SCD5: variants seen among roughly 807,000 people sequenced by gnomAD.
The protein encoded by SCD5 is acyl-CoA-desaturase 4.
In SCD5, 20 loss-of-function variants were observed where a neutral mutation model predicts 30.4. The ratio of observed to expected loss-of-function variants is 0.66; its 90% CI spans 0.46 to 0.96. SCD5 has a LOEUF of 0.96. Among genes scored for constraint, SCD5 ranks in the 40% least tolerant of loss-of-function variants. The pLI is 0.00. For synonymous variants in SCD5, 173 were observed against 176.4 expected (o/e 0.98, Z 0.16); for missense variants, 381 against 443.3 (o/e 0.86, Z 1.26).
intron 3 of SCD5, among the ~76,000 whole-genome samples, chr4:82,668,133 T>C (rs1009426359): frequency 1.3e-5 from 2 of 152,128 alleles, no homozygotes; most frequent in Non-Finnish European, 1.5e-5. Flanking sequence ...AAGAACATCA[T>C]GGCATTAAGA....
intron 3 of SCD5, among the ~76,000 whole-genome samples, chr4:82,655,092 C>T (rs1012236839): frequency 7.2e-5 from 11 of 152,126 alleles, no homozygotes; most frequent in African/African-American, 2.7e-4. Context: ...TTGTGAATCC[C>T]CTTTGGTTCT....
chr4:82,684,431 C>A (rs1014218430), intron 2 of SCD5, among the ~76,000 whole-genome samples: 1 of 152,094 alleles, frequency 6.6e-6, no homozygotes, highest in Non-Finnish European at 1.5e-5. Context: ...AACAATAGAG[C>A]AGAAAGGGAG....
intron 2 of SCD5, among the ~76,000 whole-genome samples, chr4:82,702,130 C>CTTTTTTTTTTTTTTTTTTTTTTTT (rs10701664): frequency 1.6e-5 from 1 of 64,072 alleles, no homozygotes; most frequent in Non-Finnish European, 2.8e-5. Context: ...CCATCATCAT[C>CTTTTTTTTTTTTTTTTTTTTTTTT]TTTTTTTTTT....
chr4:82,696,470 C>T (rs771032779), intron 2 of SCD5, among the ~76,000 whole-genome samples: 1 of 152,206 alleles, frequency 6.6e-6, no homozygotes, highest in Non-Finnish European at 1.5e-5. Flanking sequence ...CTCACTGTGT[C>T]TGTTAGATCT....
chr4:82,645,914 G>T (rs1727625623), intron 3 of SCD5, among the ~76,000 whole-genome samples: 1 of 152,182 alleles, frequency 6.6e-6, no homozygotes, highest in South Asian at 2.1e-4. Context: ...GGATGAAAAA[G>T]AAATCACCGT....
At chr4:82,788,324 T>C (rs1316644733) in intron 1 of SCD5, among the ~76,000 whole-genome samples, 5 of 152,168 alleles carry the variant, frequency 3.3e-5, no homozygotes, top group Admixed American at 3.3e-4. Flanking sequence ...GAGCCACCCA[T>C]AGTAATCCAT....
chr4:82,636,067 C>G (rs918399378), intron 4 of SCD5, among the ~76,000 whole-genome samples: 1 of 152,172 alleles, frequency 6.6e-6, no homozygotes, highest in African/African-American at 2.4e-5. Flanking sequence ...ACGTGCCAGG[C>G]ACTGTACTAA....
chr4:82,712,296 ATT>A (rs1341269139), intron 1 of SCD5, among the ~76,000 whole-genome samples: 3 of 27,492 alleles, frequency 1.1e-4, no homozygotes, highest in Admixed American at 4.8e-4. Context: ...ATATATATAT[ATT>A]TTATTTTTAT....
At chr4:82,663,738 G>C (rs1728076407) in intron 3 of SCD5, among the ~76,000 whole-genome samples, 1 of 152,180 alleles carries the variant, frequency 6.6e-6, no homozygotes, top group African/African-American at 2.4e-5. Context: ...ATTGCTCTGG[G>C]AGAGCAACTG....
chr4:82,766,190 C>T (rs2148847205), intron 1 of SCD5, among the ~76,000 whole-genome samples: 1 of 152,244 alleles, frequency 6.6e-6, no homozygotes, highest in South Asian at 2.1e-4. Flanking sequence ...TTTTTCCTTT[C>T]CCACCACCAT....
intron 3 of SCD5, among the ~76,000 whole-genome samples, chr4:82,664,821 A>C (rs1171351259): frequency 2.0e-5 from 3 of 151,778 alleles, no homozygotes; most frequent in Non-Finnish European, 4.4e-5. Flanking sequence ...TTTAAAATAA[A>C]ATGTAATTAG....
intron 1 of SCD5, among the ~76,000 whole-genome samples, chr4:82,758,577 A>T (rs1302612212): frequency 6.6e-6 from 1 of 152,204 alleles, no homozygotes; most frequent in South Asian, 2.1e-4. Context: ...ACTTAAACAT[A>T]TGAATTTGAG....
intron 1 of SCD5, among the ~76,000 whole-genome samples, chr4:82,735,954 T>C (rs1446853133): frequency 6.6e-6 from 1 of 152,204 alleles, no homozygotes; most frequent in Non-Finnish European, 1.5e-5. Context: ...TTACTGTATT[T>C]TATATCAGCC....
chr4:82,647,341 A>G (rs1727653088), intron 3 of SCD5, among the ~76,000 whole-genome samples: 1 of 13,996 alleles, frequency 7.1e-5, no homozygotes, highest in Admixed American at 9.0e-4. Context: ...TTTAACTCCA[A>G]AACTCTTTAA....
rs114451183 is a variant in SCD5 at position 82,754,867 on chromosome 4, G to A, written c.232+43439C>T. Among the ~76,000 whole-genome samples the A allele has an allele frequency of 7.9e-3, 1,196 of 152,212 alleles. 13 individuals are homozygous for A. Among genetic ancestry groups the A allele is most frequent in the African/African-American group, 0.025 (1,040 of 41,528 alleles). Reference sequence around the variant, plus strand: ...TATATCGGCAGAAGTGACAAGCCTCGAAGGCCAGGGCACAGAGCTGAGCCT... The same window carrying A: ...TATATCGGCAGAAGTGACAAGCCTCAAAGGCCAGGGCACAGAGCTGAGCCT... On this transcript the variant is annotated intron_variant, in intron 1 of 4. Coordinates refer to ENST00000319540, the MANE Select transcript of SCD5 (RefSeq NM_001037582.3).
intron 1 of SCD5, among the ~76,000 whole-genome samples, chr4:82,794,785 G>A (rs1018021850): frequency 1.3e-5 from 2 of 152,036 alleles, no homozygotes; most frequent in Admixed American, 1.3e-4. Flanking sequence ...GAGTAGCTGG[G>A]ACTACAGGTG....
At chr4:82,737,953 A>T in intron 1 of SCD5, among the ~76,000 whole-genome samples, 1 of 83,348 alleles carries the variant, frequency 1.2e-5, no homozygotes, top group African/African-American at 3.5e-5. Context: ...CAATCTAATT[A>T]GCTAAAAAAA....
chr4:82,759,242 G>C (rs1261197115), intron 1 of SCD5, among the ~76,000 whole-genome samples: 1 of 152,232 alleles, frequency 6.6e-6, no homozygotes, highest in East Asian at 1.9e-4. Context: ...CACAGTGGCA[G>C]CTGGCGGGAT....
In SCD5 at chr4:82,798,566, C is replaced by CGGTA. The variant is rs1355471035; in HGVS notation, c.-30_-29insTACC. The CGGTA allele has an allele frequency of 4.6e-6, 7 of 1,537,266 alleles. No individual in the cohort carries two copies. Among genetic ancestry groups the CGGTA allele is most frequent in the Non-Finnish European group, 4.4e-6 (5 of 1,142,136 alleles). The stretch of plus-strand genomic sequence containing the variant: ...TGGGCGAGGTGGGCGCCCGCAGCAG[C>CGGTA]GGCAGGCAGGCAGGCGCTCTGCCCG... On this transcript the variant is annotated 5_prime_UTR_variant, in exon 1 of 5. Coordinates refer to ENST00000319540, the MANE Select transcript of SCD5 (RefSeq NM_001037582.3).
Sources: gnomAD v4.1 joint callset for allele counts (sites outside exome capture counted in the v4.1 genomes callset) on GRCh38, gnomAD v4.1.1 for gene constraint, MANE v1.5 for transcripts, NCBI Gene and HGNC (gene_info 2026-07-23, HGNC 2026-07-21) for gene names.